Variants in PACRG observed in about 807,000 individuals in gnomAD.
The protein encoded by PACRG is parkin coregulated gene protein.
Under a neutral mutation model 29.7 loss-of-function variants are expected in PACRG, and 29 were observed. The ratio of observed to expected loss-of-function variants is 0.98; its 90% confidence interval spans 0.73 to 1.33. PACRG has a LOEUF of 1.33. Among genes scored for constraint, PACRG ranks in the 40% most tolerant of loss-of-function variants. The pLI is 0.00. For synonymous variants in PACRG, 116 were observed against 118.7 expected, an observed-to-expected ratio of 0.98 and a Z score of 0.15; for missense variants, 279 against 316.2, an observed-to-expected ratio of 0.88 and a Z score of 0.89.
chr6:163,304,225 A>G (rs987877425), intron 4 of PACRG, among the ~76,000 whole-genome samples: 1 of 152,178 alleles, frequency 6.6e-6, no homozygotes, highest in Non-Finnish European at 1.5e-5. Context: ...TTCCAAATTC[A>G]TGTAAGTGCT....
chr6:162,812,312 AAAAAT>A (rs948576709), intron 1 of PACRG, among the ~76,000 whole-genome samples: 4 of 152,134 alleles, frequency 2.6e-5, no homozygotes, highest in Non-Finnish European at 4.4e-5. Flanking sequence ...GTTAAACAAG[AAAAAT>A]AAAATAAAAT....
chr6:163,243,383 CTG>C (rs1281325669), intron 4 of PACRG, among the ~76,000 whole-genome samples: 1 of 152,232 alleles, frequency 6.6e-6, no homozygotes, highest in African/African-American at 2.4e-5. Context: ...CACGTACACT[CTG>C]TGTTTGTGTT....
chr6:163,196,750 A>G (rs1324479783), intron 4 of PACRG, among the ~76,000 whole-genome samples: 1 of 152,196 alleles, frequency 6.6e-6, no homozygotes, highest in Non-Finnish European at 1.5e-5. Flanking sequence ...TGTTCAGAAG[A>G]CAGAGCTAAA....
chr6:162,947,621 T>TA (rs1447230395), intron 2 of PACRG, among the ~76,000 whole-genome samples: 9 of 47,930 alleles, frequency 1.9e-4, no homozygotes, highest in Admixed American at 2.4e-4. Context: ...CATATATATA[T>TA]ATATATATAT....
chr6:162,952,835 T>C (rs1229431357), intron 2 of PACRG, among the ~76,000 whole-genome samples: 5 of 152,188 alleles, frequency 3.3e-5, no homozygotes, highest in Non-Finnish European at 7.4e-5. Flanking sequence ...TGGCACCAAA[T>C]GATTTATTTT....
intron 4 of PACRG, among the ~76,000 whole-genome samples, chr6:163,178,906 A>T (rs535837267): frequency 4.6e-5 from 7 of 152,374 alleles, no homozygotes; most frequent in African/African-American, 1.4e-4. Flanking sequence ...CTCAGGTAAT[A>T]TAAGTGAATT....
At chr6:163,311,004 C>G (rs543001343) in intron 4 of PACRG, 28 of 152,292 alleles carry the variant, frequency 1.8e-4, no homozygotes, top group African/African-American at 6.7e-4. Flanking sequence ...GAGAAAGCAT[C>G]CCATGGGGAC....
chr6:163,268,480 A>T (rs1260671553), intron 4 of PACRG, among the ~76,000 whole-genome samples: 1 of 152,086 alleles, frequency 6.6e-6, no homozygotes, highest in African/African-American at 2.4e-5. Context: ...CTCAAAAATA[A>T]AAATCTTTTA....
chr6:163,071,599 TA>T lies in PACRG; in HGVS notation c.463+9281del, dbSNP rs1812057500. On this transcript the variant is annotated intron_variant, in intron 3 of 4. Transcript: ENST00000366888. ...TACATCAAAAAAGAAAAACTTGAAA[TA>T]AATAACCTAACAATGCATCTTAAAG... 2.1e-5 allele frequency among the ~76,000 whole-genome samples: 3 copies of T among 146,286 alleles called. No homozygotes were observed. The South Asian group carries it at 6.4e-4, about 31-fold the overall frequency.
intron 4 of PACRG, among the ~76,000 whole-genome samples, chr6:163,235,835 A>G (rs1782213100): frequency 6.6e-6 from 1 of 152,174 alleles, no homozygotes; most frequent in Admixed American, 6.5e-5. Flanking sequence ...GAGTCAATTT[A>G]TAGTGTGGTT....
chr6:162,824,759 T>C (rs2128382404), intron 2 of PACRG, among the ~76,000 whole-genome samples: 2 of 152,320 alleles, frequency 1.3e-5, no homozygotes, highest in Middle Eastern at 6.8e-3. Flanking sequence ...GTAACCTGCA[T>C]AATATGAGTT....
intron 4 of PACRG, among the ~76,000 whole-genome samples, chr6:163,133,543 C>G (rs1218221855): frequency 2.6e-5 from 4 of 152,190 alleles, no homozygotes; most frequent in Non-Finnish European, 4.4e-5. Context: ...TATTACCCAA[C>G]TTCATTTTCC....
At position 163,226,839 on chromosome 6, in the gene PACRG, T is replaced by C. The variant is rs547878965; in HGVS notation, c.614-87988T>C. On this transcript the variant is annotated intron_variant, in intron 4 of 4. Coordinates refer to ENST00000366888, the MANE Select transcript of PACRG (RefSeq NM_001080379.2). ...GTAAAGGATAAACTCCAAAAATGTTTGAAAGTGTTTGCATCATTGATGTCT... is the reference window on the plus strand; with the variant it reads ...GTAAAGGATAAACTCCAAAAATGTTCGAAAGTGTTTGCATCATTGATGTCT... 7.6e-4 allele frequency among the ~76,000 whole-genome samples: 116 copies of C among 152,304 alleles called. 2 individuals carry two copies. The highest frequency in any genetic ancestry group is 8.8e-5 in the Non-Finnish European group (6 of 68,030).
intron 1 of PACRG, among the ~76,000 whole-genome samples, chr6:162,809,947 C>G (rs917959836): frequency 2.0e-5 from 3 of 152,158 alleles, no homozygotes; most frequent in African/African-American, 7.2e-5. Flanking sequence ...TGGGCTTGTT[C>G]CCCACTTAGT....
intron 4 of PACRG, among the ~76,000 whole-genome samples, chr6:163,215,917 G>C (rs527989653): frequency 6.6e-6 from 1 of 152,204 alleles, no homozygotes; most frequent in African/African-American, 2.4e-5. Flanking sequence ...CAGCAAAAGC[G>C]ATTTCCAGGA....
At chr6:162,773,493 C>CTTTTTTTTTTTTTTTTTTTTTTTTTTT (rs1562582605) in intron 1 of PACRG, among the ~76,000 whole-genome samples, 1 of 82,728 alleles carries the variant, frequency 1.2e-5, no homozygotes, top group African/African-American at 4.8e-5. Flanking sequence ...TACAGCTTGT[C>CTTTTTTTTTTTTTTTTTTTTTTTTTTT]ATTTTTTTTT....
At chr6:163,291,065 C>G (rs898917774) in intron 4 of PACRG, among the ~76,000 whole-genome samples, 3 of 152,202 alleles carry the variant, frequency 2.0e-5, no homozygotes, top group African/African-American at 7.2e-5. Flanking sequence ...CTTCAGTGCC[C>G]GGCTGCCCAG....
intron 4 of PACRG, among the ~76,000 whole-genome samples, chr6:163,168,420 G>C (rs1322492080): frequency 6.6e-6 from 1 of 152,186 alleles, no homozygotes; most frequent in Admixed American, 6.5e-5. Flanking sequence ...GGTTGGGGGT[G>C]GGGGTGGAGT....
upstream of PACRG, chr6:162,727,588 C>CCGAGG (rs1337146886): frequency 1.3e-6 from 2 of 1,489,190 alleles, no homozygotes; most frequent in Middle Eastern, 1.7e-4. Context: ...TCCTGGTCGG[C>CCGAGG]CGAGGCGGGG....
Sources: allele counts gnomAD v4.1 joint callset (sites outside exome capture counted in the v4.1 genomes callset), GRCh38; gene constraint gnomAD v4.1.1; transcripts MANE v1.5; gene names NCBI Gene and HGNC (gene_info 2026-07-23, HGNC 2026-07-21).